The following SPATA6 variants were observed in gnomAD, a reference collection of about 807,000 sequenced individuals.
SPATA6 encodes spermatogenesis associated 6, also known as spermatogenesis-associated protein 6.
Under a neutral mutation model 65.3 loss-of-function variants are expected in SPATA6, and 56 were observed. The observed-to-expected ratio is 0.86, with a 90% CI of 0.69 to 1.07. SPATA6 has a LOEUF of 1.07. Among genes scored for constraint, SPATA6 ranks in the 50% least tolerant of loss-of-function variants. The pLI, the probability that SPATA6 is intolerant of heterozygous loss-of-function variation, is 0.00. For synonymous variants in SPATA6, 199 were observed against 213.2 expected, an observed-to-expected ratio of 0.93 and a Z score of 0.58; for missense variants, 590 against 594.8, an observed-to-expected ratio of 0.99 and a Z score of 0.08.
chr1:48,403,777 A>C, intron 6 of SPATA6, 25 bp downstream of exon 6: 1 of 1,552,404 alleles, frequency 6.4e-7, no homozygotes. Flanking sequence ...TAAACCATTA[A>C]ATACTTTATA....
At chr1:48,319,811 G>C (rs1186618455) in intron 11 of SPATA6, among the ~76,000 whole-genome samples, 1 of 152,170 alleles carries the variant, frequency 6.6e-6, no homozygotes, top group African/African-American at 2.4e-5. Context: ...ACAGGCTTGT[G>C]ATCCCTGAGC....
chr1:48,306,379 GA>G (rs1472378621), intron 11 of SPATA6, among the ~76,000 whole-genome samples: 4 of 151,886 alleles, frequency 2.6e-5, no homozygotes, highest in African/African-American at 9.7e-5. Context: ...AGGCAAAAAT[GA>G]AAGGCAAGAT....
At chr1:48,452,777 A>C (rs1656693500) in intron 2 of SPATA6, among the ~76,000 whole-genome samples, 1 of 152,220 alleles carries the variant, frequency 6.6e-6, no homozygotes, top group African/African-American at 2.4e-5. Context: ...CCACTAAATC[A>C]ATTTTAGGAA....
chr1:48,282,877 T>G, the SPATA6 span, among the ~76,000 whole-genome samples: 12 of 152,138 alleles, frequency 7.9e-5, no homozygotes. Context: ...TAAAGACACA[T>G]GCACACATAC....
intron 3 of SPATA6, among the ~76,000 whole-genome samples, chr1:48,429,628 G>C (rs1415838338): frequency 6.6e-6 from 1 of 151,982 alleles, no homozygotes; most frequent in Non-Finnish European, 1.5e-5. Flanking sequence ...TGCAGTCAAA[G>C]GAAGAAAATA....
chr1:48,334,227 C>G (rs1277998289), intron 11 of SPATA6, among the ~76,000 whole-genome samples: 1 of 151,926 alleles, frequency 6.6e-6, no homozygotes, highest in Non-Finnish European at 1.5e-5. Flanking sequence ...ACCATTCTTA[C>G]TAAAACTATT....
the SPATA6 span, among the ~76,000 whole-genome samples, chr1:48,261,456 A>T: frequency 1.3e-5 from 2 of 150,950 alleles, no homozygotes; most frequent in Non-Finnish European, 3.0e-5. Context: ...AAAACCTATT[A>T]TGGCTAATAA....
chr1:48,429,308 G>A (rs566672161), intron 3 of SPATA6, among the ~76,000 whole-genome samples: 3 of 151,738 alleles, frequency 2.0e-5, no homozygotes, highest in Admixed American at 2.0e-4. Flanking sequence ...TTCCCTTTTT[G>A]GGAGCCTTAA....
chr1:48,437,351 T>C (rs544854381), intron 3 of SPATA6: 9 of 1,495,168 alleles, frequency 6.0e-6, no homozygotes, highest in Non-Finnish European at 8.0e-6. Flanking sequence ...GAATCTATTA[T>C]TTAAAACCAC....
At chr1:48,395,184 G>A (rs1351314399) in intron 8 of SPATA6, 83 bp downstream of exon 8, 14 of 1,040,416 alleles carry the variant, frequency 1.3e-5, no homozygotes, top group Non-Finnish European at 1.9e-5. Context: ...CAAAGATTCT[G>A]TTTTTGTTAA....
intron 11 of SPATA6, among the ~76,000 whole-genome samples, chr1:48,318,025 C>T (rs2148692297): frequency 6.6e-6 from 1 of 152,236 alleles, no homozygotes; most frequent in Admixed American, 6.5e-5. Flanking sequence ...AATGTAAGGT[C>T]ATATTAACAG....
intron 1 of SPATA6, among the ~76,000 whole-genome samples, chr1:48,466,360 A>G (rs1216353623): frequency 6.6e-6 from 1 of 152,146 alleles, no homozygotes; most frequent in Non-Finnish European, 1.5e-5. Flanking sequence ...AGAAGGATAC[A>G]TACAAGTAAG....
At position 48,303,374 on chromosome 1, in the gene SPATA6, T is replaced by A. The variant is rs80033729; in HGVS notation, c.1286+2413A>T. 0.02 allele frequency among the ~76,000 whole-genome samples: 2,981 copies of A among 152,116 alleles called. 118 individuals carry two copies. In the East Asian group the frequency reaches 0.2, roughly 10 times the overall value. ...CTATCAAACTCTAGAACTTAACCCTTCTTCATAACTGTATTTTTCTACTCA... is the reference window on the plus strand; with the variant it reads ...CTATCAAACTCTAGAACTTAACCCTACTTCATAACTGTATTTTTCTACTCA... On this transcript the variant is annotated intron_variant, in intron 12 of 12. Coordinates refer to ENST00000371847, the MANE Select transcript of SPATA6 (RefSeq NM_019073.4).
intron 9 of SPATA6, among the ~76,000 whole-genome samples, chr1:48,371,703 G>C (rs1181467922): frequency 6.6e-6 from 1 of 152,162 alleles, no homozygotes; most frequent in African/African-American, 2.4e-5. Context: ...AAGAGTGTTT[G>C]CATTAGTCCA....
chr1:48,436,975 A>T lies in SPATA6; in HGVS notation c.238+14577T>A, dbSNP rs796472745. ...CCGATTACACACACCATCCTCAAAAACTTTCTCTCCTGCCTTCTTTAGCTT... is the reference window on the plus strand; with the variant it reads ...CCGATTACACACACCATCCTCAAAATCTTTCTCTCCTGCCTTCTTTAGCTT... On this transcript the variant is annotated intron_variant, in intron 3 of 12. Transcript: ENST00000371847. 6.8e-6 allele frequency: 11 copies of T among 1,611,596 alleles called. No homozygotes were observed. The African/African-American group carries it at 1.3e-4, about 20-fold the overall frequency.
At chr1:48,451,711 G>A (rs974791773) in intron 2 of SPATA6, 111 bp from the exon 3 acceptor site, 2 of 983,312 alleles carry the variant, frequency 2.0e-6, no homozygotes, top group Non-Finnish European at 3.0e-6. Context: ...TGACATTATT[G>A]AGAACTGTCA....
chr1:48,351,580 C>T (rs1163649668), intron 11 of SPATA6, among the ~76,000 whole-genome samples: 1 of 151,980 alleles, frequency 6.6e-6, no homozygotes, highest in Non-Finnish European at 1.5e-5. Context: ...TATGCTTTTT[C>T]TTAATCATTT....
intron 8 of SPATA6, among the ~76,000 whole-genome samples, chr1:48,391,008 C>A (rs768851324): frequency 6.6e-6 from 1 of 151,978 alleles, no homozygotes; most frequent in Non-Finnish European, 1.5e-5. Flanking sequence ...AAATCACAGT[C>A]CAACTTCTCT....
intron 3 of SPATA6, chr1:48,436,268 T>C (rs1654930785): frequency 3.7e-6 from 6 of 1,613,740 alleles, no homozygotes; most frequent in Admixed American, 3.3e-5. Flanking sequence ...GAAGAACGCC[T>C]GAAAGCTTTA....
Sources: allele counts gnomAD v4.1 joint callset (sites outside exome capture counted in the v4.1 genomes callset), GRCh38; gene constraint gnomAD v4.1.1; transcripts MANE v1.5; gene names NCBI Gene and HGNC (gene_info 2026-07-23, HGNC 2026-07-21).